The following RABGAP1L variants were observed in gnomAD, a reference collection of about 807,000 sequenced individuals.
RABGAP1L encodes RAB GTPase activating protein 1 like.
A neutral mutation model predicts 137.7 loss-of-function variants in RABGAP1L; 63 were observed. The observed-to-expected ratio is 0.46, with a 90% CI of 0.37 to 0.56. The LOEUF (loss-of-function observed/expected upper bound fraction) is 0.56. Among genes scored for constraint, RABGAP1L ranks in the 20% least tolerant of loss-of-function variants. The probability of loss-of-function intolerance (pLI) is 0.00; values close to 1 mark genes in which losing one functional copy is unlikely to be tolerated. For missense variants in RABGAP1L, 1,095 were observed against 1,244.0 expected, an observed-to-expected ratio of 0.88 and a Z score of 1.80; for synonymous variants, 431 against 433.7, an observed-to-expected ratio of 0.99 and a Z score of 0.08.
At chr1:174,189,191 G>C (rs564172739) in intron 1 of RABGAP1L, among the ~76,000 whole-genome samples, 2 of 152,224 alleles carry the variant, frequency 1.3e-5, no homozygotes, top group East Asian at 3.9e-4. Flanking sequence ...GTTTTTGGTA[G>C]AGACGGGGTT....
intron 13 of RABGAP1L, among the ~76,000 whole-genome samples, chr1:174,451,689 TTC>T (rs1009674585): frequency 6.6e-4 from 100 of 152,336 alleles, no homozygotes; most frequent in Admixed American, 6.5e-3. Flanking sequence ...CCTACAATAT[TTC>T]TCTGAGTTTT....
rs566214547 is a variant in RABGAP1L at position 174,987,295 on chromosome 1, T to C, written c.2806-1346T>C. Among the ~76,000 whole-genome samples the C allele has an allele frequency of 2.0e-3, 298 of 152,152 alleles. 1 individual carries two copies. The highest frequency in any genetic ancestry group is 3.6e-3 in the Non-Finnish European group (242 of 67,992). ...CATTCTTCTGCCTCAGCCGCCTGAG[T>C]AGCTGGGACTATAGGTGCCCGCCAC... is the stretch of plus-strand genomic sequence containing the variant. On this transcript the variant is annotated intron_variant, in intron 24 of 25. Coordinates refer to ENST00000681986, the MANE Select transcript of RABGAP1L (RefSeq NM_001366446.1).
intron 13 of RABGAP1L, among the ~76,000 whole-genome samples, chr1:174,538,134 G>A (rs1212303108): frequency 2.6e-5 from 4 of 152,098 alleles, no homozygotes; most frequent in African/African-American, 9.7e-5. Flanking sequence ...AACAATCTCT[G>A]AACCCTGCTT....
intron 11 of RABGAP1L, among the ~76,000 whole-genome samples, chr1:174,355,177 G>A (rs1479005613): frequency 3.3e-5 from 5 of 151,876 alleles, no homozygotes; most frequent in East Asian, 3.9e-4. Context: ...TGTTTATTGC[G>A]GCACTATTCA....
intron 11 of RABGAP1L, among the ~76,000 whole-genome samples, chr1:174,353,302 C>G (rs1424193887): frequency 6.6e-6 from 1 of 152,126 alleles, no homozygotes; most frequent in Non-Finnish European, 1.5e-5. Flanking sequence ...TTACTCTCCC[C>G]TCTTATTTCC....
At chr1:174,184,921 T>G (rs921270260) in intron 1 of RABGAP1L, among the ~76,000 whole-genome samples, 2 of 152,230 alleles carry the variant, frequency 1.3e-5, no homozygotes, top group African/African-American at 2.4e-5. Flanking sequence ...TTGGCAGGTG[T>G]ATGCTAGCGA....
rs1251723443 is a variant in RABGAP1L, at chr1:174,281,536, G to A, written c.1323+2757G>A. Among the ~76,000 whole-genome samples, 7 of 152,164 alleles carry A rather than the reference G, an allele frequency of 4.6e-5. No individual in the cohort carries two copies. The East Asian group carries it at 5.8e-4, about 13-fold the overall frequency. On this transcript the variant is annotated intron_variant, in intron 10 of 25. Transcript: ENST00000681986. ...TCCCACCCGACCCAGAAGCCCAGCCGGATTCGCCTCTCACCTTGACCTGAG... is the reference window on the plus strand; with the variant it reads ...TCCCACCCGACCCAGAAGCCCAGCCAGATTCGCCTCTCACCTTGACCTGAG...
At chr1:174,329,403 C>T (rs1186196354) in intron 11 of RABGAP1L, among the ~76,000 whole-genome samples, 1 of 152,122 alleles carries the variant, frequency 6.6e-6, no homozygotes, top group Non-Finnish European at 1.5e-5. Flanking sequence ...TTCTAGAAAA[C>T]ATTTGAAGAA....
intron 1 of RABGAP1L, among the ~76,000 whole-genome samples, chr1:174,175,850 C>G (rs954375346): frequency 6.6e-6 from 1 of 152,128 alleles, no homozygotes; most frequent in African/African-American, 2.4e-5. Flanking sequence ...GTCTTGAACG[C>G]CTGACCTCAG....
chr1:174,403,561 C>T (rs1295473143), intron 13 of RABGAP1L, among the ~76,000 whole-genome samples: 1 of 151,970 alleles, frequency 6.6e-6, no homozygotes. Context: ...TGATGAAGTG[C>T]TTGGCGTATA....
chr1:174,293,072 G>GA (rs1285021841), intron 10 of RABGAP1L, among the ~76,000 whole-genome samples: 1 of 151,880 alleles, frequency 6.6e-6, no homozygotes, highest in Non-Finnish European at 1.5e-5. Flanking sequence ...AATGTTTATG[G>GA]AAAGTGGAAA....
intron 18 of RABGAP1L, among the ~76,000 whole-genome samples, chr1:174,767,053 G>A (rs535140372): frequency 1.3e-5 from 2 of 152,252 alleles, no homozygotes; most frequent in South Asian, 4.1e-4. Context: ...ATCTACCTGT[G>A]ACCCGGAAGC....
chr1:174,347,676 A>C (rs1682574144), intron 11 of RABGAP1L, among the ~76,000 whole-genome samples: 1 of 151,978 alleles, frequency 6.6e-6, no homozygotes, highest in African/African-American at 2.4e-5. Context: ...TGTATTTTTT[A>C]GTGGAGATGC....
At chr1:174,342,970 C>A (rs905786198) in intron 11 of RABGAP1L, among the ~76,000 whole-genome samples, 33 of 152,224 alleles carry the variant, frequency 2.2e-4, no homozygotes, top group Non-Finnish European at 2.9e-4. Context: ...ATCTTTTGAC[C>A]TCAGGTGATC....
At chr1:174,307,425 G>A (rs986628859) in intron 11 of RABGAP1L, among the ~76,000 whole-genome samples, 2 of 152,094 alleles carry the variant, frequency 1.3e-5, no homozygotes, top group Non-Finnish European at 2.9e-5. Flanking sequence ...TCATCCAAGA[G>A]GAAATATTAT....
At chr1:174,794,942 T>G (rs1260718929) in intron 18 of RABGAP1L, among the ~76,000 whole-genome samples, 5 of 152,252 alleles carry the variant, frequency 3.3e-5, no homozygotes. Flanking sequence ...AAGTCAAATG[T>G]GCTTTTCATT....
chr1:174,781,958 G>C (rs1687047416), intron 18 of RABGAP1L, among the ~76,000 whole-genome samples: 1 of 152,158 alleles, frequency 6.6e-6, no homozygotes. Flanking sequence ...ATGCTGTTTT[G>C]GTTACTGTAG....
intron 13 of RABGAP1L, among the ~76,000 whole-genome samples, chr1:174,512,408 G>C (rs1662432681): frequency 6.6e-6 from 1 of 152,168 alleles, no homozygotes; most frequent in South Asian, 2.1e-4. Context: ...CATAATGTCT[G>C]AAATGTATGG....
intron 15 of RABGAP1L, among the ~76,000 whole-genome samples, chr1:174,696,762 G>A (rs564093049): frequency 6.6e-6 from 1 of 152,304 alleles, no homozygotes; most frequent in Non-Finnish European, 1.5e-5. Flanking sequence ...GTGTGGTGTA[G>A]ACGATGTAAG....
Sources: allele counts gnomAD v4.1 joint callset (sites outside exome capture counted in the v4.1 genomes callset), GRCh38; gene constraint gnomAD v4.1.1; transcripts MANE v1.5; gene names NCBI Gene and HGNC (gene_info 2026-07-23, HGNC 2026-07-21).